MAP1LC3A: variants seen among roughly 807,000 people sequenced by gnomAD.
MAP1LC3A encodes microtubule associated protein 1 light chain 3 alpha, also known as microtubule-associated protein 1 light chain 3 alpha.
A neutral mutation model predicts 15.2 loss-of-function variants in MAP1LC3A; 10 were observed. The observed-to-expected ratio is 0.66, with a 90% confidence interval of 0.41 to 1.12. MAP1LC3A has a LOEUF of 1.12. Ranked by LOEUF, MAP1LC3A falls within the 50% of genes most tolerant of loss-of-function variation. MAP1LC3A has a pLI of 0.00. For synonymous variants in MAP1LC3A, 63 were observed against 64.3 expected, an observed-to-expected ratio of 0.98 and a Z score of 0.10; for missense variants, 138 against 167.3, an observed-to-expected ratio of 0.82 and a Z score of 0.97.
intron 1 of MAP1LC3A, 63 bp from the exon 2 acceptor site, chr20:34,559,145 G>C: frequency 6.9e-7 from 1 of 1,444,112 alleles, no homozygotes; most frequent in African/African-American, 1.5e-5. Context: ...CCGCCCCTCC[G>C]GGACAGGCGG....
At position 34,559,279 on chromosome 20, in the gene MAP1LC3A, C is replaced by T. The variant is rs1340306598; in HGVS notation, c.96+16C>T. ...CAAAATCCCGGTGAGTCCCGCACCCCCAGCCCTGCCCCGCCCCCGCCTCGC... is the reference window on the plus strand; with the variant it reads ...CAAAATCCCGGTGAGTCCCGCACCCTCAGCCCTGCCCCGCCCCCGCCTCGC... On this transcript the variant is annotated intron_variant, in intron 2 of 3. Transcript: ENST00000360668. 1.3e-6 allele frequency: 2 copies of T among 1,595,322 alleles called. No homozygotes were observed. The highest frequency in any genetic ancestry group is 1.7e-6 in the Non-Finnish European group (2 of 1,172,170).
chr20:34,549,832 T>A, intron 1 of MAP1LC3A: 1 of 651,660 alleles, frequency 1.5e-6, no homozygotes, highest in Non-Finnish European at 2.8e-6. Flanking sequence ...GTTCAGCCAG[T>A]CTTCAATCTC....
At chr20:34,554,868 T>C (rs866501079), upstream of MAP1LC3A, among the ~76,000 whole-genome samples, 19 of 151,226 alleles carry the variant, frequency 1.3e-4, no homozygotes, top group Middle Eastern at 3.4e-3. Flanking sequence ...GTATTTTGTA[T>C]TTTTTGTATT....
chr20:34,559,824 A>G lies in MAP1LC3A; in HGVS notation c.292A>G (p.Ile98Val), dbSNP rs1200708115. 1 of 1,613,764 alleles carries G rather than the reference A, an allele frequency of 6.2e-7. No individual in the cohort carries two copies. The highest frequency in any genetic ancestry group is 8.5e-7 in the Non-Finnish European group (1 of 1,179,942). Reference sequence around the variant, plus strand: ...GAGTGTGTCCACGCCCATCGCGGACATCTACGAGCAGGAGAAAGACGAGGA... The same window carrying G: ...GAGTGTGTCCACGCCCATCGCGGACGTCTACGAGCAGGAGAAAGACGAGGA... Reference protein sequence around the residue: ...MVSVSTPIADIYEQEKDEDGF... With the variant: ...MVSVSTPIADVYEQEKDEDGF... Residue 98 changes from isoleucine (I) to valine (V), a missense_variant, in exon 4 of 4, where the codon ATC (isoleucine) becomes GTC (valine). By Grantham distance (29) the Ile-to-Val change is conservative. Transcript: ENST00000360668.
At position 34,558,836 on chromosome 20, in the gene MAP1LC3A, G is replaced by A. The variant is rs1430720517; in HGVS notation, c.-33G>A. 6.3e-6 allele frequency: 9 copies of A among 1,431,192 alleles called. No homozygotes were observed. In the African/African-American group the frequency reaches 1.0e-4, roughly 17 times the overall value. The allele number at this position is 1,431,192 out of a possible 1,614,324, so 88.7% of individuals were successfully genotyped here. A position where few individuals can be genotyped will look rare whatever the true frequency, so the allele number is the denominator to read the frequency against. ...CGCAGACACATCCCCGCGCCCCAGA[G>A]CCCCGGCCTGCGCGCCCAGCCGGGC... On this transcript the variant is annotated 5_prime_UTR_variant, in exon 1 of 4. Transcript: ENST00000360668. This position sits in a 1 kb window ranked among gnomAD's most constrained non-coding sequence, Gnocchi z 4.3.
intron 1 of MAP1LC3A, 42 bp from the exon 2 acceptor site, chr20:34,559,166 G>C (rs745390501): frequency 6.6e-5 from 100 of 1,516,588 alleles, no homozygotes; most frequent in African/African-American, 3.9e-4. Flanking sequence ...GGCGGACCTG[G>C]GCCGGCCCGA....
chr20:34,552,891 A>C (rs1287647932), intron 2 of MAP1LC3A, among the ~76,000 whole-genome samples: 1 of 152,186 alleles, frequency 6.6e-6, no homozygotes, highest in Non-Finnish European at 1.5e-5. Context: ...GAAGGAGTCA[A>C]GAATGACTCT....
chr20:34,555,882 G>A (rs568357007), upstream of MAP1LC3A, among the ~76,000 whole-genome samples: 6 of 145,874 alleles, frequency 4.1e-5, no homozygotes, highest in South Asian at 2.2e-4. Flanking sequence ...TCGCTCTGTC[G>A]CCCAGGCTGG....
chr20:34,559,286 T>TTCCCCCCCC, intron 2 of MAP1LC3A, 23 bp downstream of exon 2: 1 of 1,336,236 alleles, frequency 7.5e-7, no homozygotes, highest in Non-Finnish European at 1.0e-6. Flanking sequence ...CCCCCAGCCC[T>TTCCCCCCCC]GCCCCGCCCC....
chr20:34,556,331 G>C (rs1600570480), upstream of MAP1LC3A, among the ~76,000 whole-genome samples: 3 of 152,218 alleles, frequency 2.0e-5, no homozygotes, highest in African/African-American at 7.2e-5. Flanking sequence ...CACCCTAGTA[G>C]TTGGGTCATT....
upstream of MAP1LC3A, among the ~76,000 whole-genome samples, chr20:34,554,354 GTTTTTTTTTTTTTTTTT>G (rs537779341): frequency 7.5e-5 from 8 of 106,166 alleles, no homozygotes; most frequent in South Asian, 3.4e-4. Context: ...TATACGTTGG[GTTTTTTTTTTTTTTTTT>G]TTTTTTTTTT....
chr20:34,548,731 G>C (rs1196411584), intron 1 of MAP1LC3A, among the ~76,000 whole-genome samples: 1 of 149,398 alleles, frequency 6.7e-6, no homozygotes, highest in South Asian at 2.1e-4. Flanking sequence ...TAAAGATGGA[G>C]TCTTGCTCTT....
chr20:34,556,491 C>CT (rs551317116), upstream of MAP1LC3A, among the ~76,000 whole-genome samples: 330 of 146,034 alleles, frequency 2.3e-3, 7 homozygotes, highest in South Asian at 0.018. Context: ...CCTCTATGTC[C>CT]TTTTTTTTTT....
intron 1 of MAP1LC3A, among the ~76,000 whole-genome samples, chr20:34,547,519 C>G (rs1293682916): frequency 6.6e-6 from 1 of 151,150 alleles, no homozygotes; most frequent in African/African-American, 2.4e-5. Flanking sequence ...ATTATAATCC[C>G]CATAATCCCC....
At position 34,559,968 on chromosome 20, in the gene MAP1LC3A, T is replaced by A; in HGVS notation, c.*70T>A. The A allele has an allele frequency of 6.6e-7, 1 of 1,509,816 alleles. No individual in the cohort carries two copies. The highest frequency in any genetic ancestry group is 8.9e-7 in the Non-Finnish European group (1 of 1,120,408). 93.5% of individuals were successfully genotyped at this position (1,509,816 alleles called of 1,614,324 possible). ...CAGGCCCTGCCCAGAGAGCTCCTGG[T>A]TCCTGAACTGAGCTGCCTCTACCGT... On this transcript the variant is annotated 3_prime_UTR_variant, in exon 4 of 4. Coordinates refer to ENST00000360668, the MANE Select transcript of MAP1LC3A (RefSeq NM_032514.4).
chr20:34,557,382 A>G (rs12625478), upstream of MAP1LC3A, among the ~76,000 whole-genome samples: 280 of 152,268 alleles, frequency 1.8e-3, 6 homozygotes, highest in East Asian at 0.044. Flanking sequence ...AATATCTGAA[A>G]TACACACCTG....
chr20:34,550,118 G>T, intron 2 of MAP1LC3A: 2 of 1,333,352 alleles, frequency 1.5e-6, no homozygotes, highest in South Asian at 2.4e-5. Flanking sequence ...AGCAGGCCAG[G>T]GTTGCTCCGC....
At chr20:34,550,876 CA>C (rs1326289924) in intron 2 of MAP1LC3A, among the ~76,000 whole-genome samples, 5 of 152,124 alleles carry the variant, frequency 3.3e-5, no homozygotes, top group African/African-American at 1.2e-4. Flanking sequence ...TCACAATCAC[CA>C]AAAGCTGGAA....
intron 1 of MAP1LC3A, among the ~76,000 whole-genome samples, chr20:34,548,742 G>A (rs1273583150): frequency 6.9e-6 from 1 of 144,892 alleles, no homozygotes; most frequent in African/African-American, 2.6e-5. Flanking sequence ...TCTTGCTCTT[G>A]TCTCCCAGGC....
Sources: gnomAD v4.1 joint callset for allele counts (sites outside exome capture counted in the v4.1 genomes callset) on GRCh38, gnomAD v4.1.1 for gene constraint, Gnocchi (gnomAD v3.1) non-coding constraint, MANE v1.5 for transcripts, NCBI Gene and HGNC (gene_info 2026-07-23, HGNC 2026-07-21) for gene names.